The following TOP2B variants were observed in gnomAD, a reference collection of about 807,000 sequenced individuals.
TOP2B encodes DNA topoisomerase II beta.
Under a neutral mutation model 193.5 loss-of-function variants are expected in TOP2B, and 51 were observed. The observed-to-expected ratio is 0.26, with a 90% CI of 0.21 to 0.33. The LOEUF is 0.33. TOP2B is among the 10% of genes least tolerant of loss of function. The pLI is 1.00. For synonymous variants in TOP2B, 634 were observed against 635.7 expected, an observed-to-expected ratio of 1.00 and a Z score of 0.04; for missense variants, 1,378 against 1,909.3, an observed-to-expected ratio of 0.72 and a Z score of 5.19.
Position 25,629,034 on chromosome 3 carries a change from C to T in TOP2B, c.1800+1G>A. The T allele has an allele frequency of 6.3e-7, 1 of 1,582,758 alleles. No homozygotes were observed. On this transcript the variant is annotated splice_donor_variant, in intron 14 of 35. Coordinates refer to ENST00000264331, the MANE Select transcript of TOP2B (RefSeq NM_001330700.2). LOFTEE classifies it high-confidence loss of function. ...TAAAAATATATTAATGCAAAGAGTA[C>T]CTTTACAATAGGAGTAATGAACTCT...
intron 35 of TOP2B, among the ~76,000 whole-genome samples, chr3:25,598,929 A>C (rs1702009501): frequency 6.6e-6 from 1 of 152,160 alleles, no homozygotes; most frequent in African/African-American, 2.4e-5. Context: ...ATAGAAGATG[A>C]CTGAATGGAA....
intron 32 of TOP2B, 79 bp from the exon 33 acceptor site, chr3:25,604,949 A>G: frequency 1.0e-6 from 1 of 961,988 alleles, no homozygotes; most frequent in Non-Finnish European, 1.6e-6. Flanking sequence ...TTAACTGATG[A>G]CTTCCCTTTA....
intron 28 of TOP2B, 134 bp from the exon 29 acceptor site, chr3:25,609,846 G>A (rs1320618756): frequency 3.7e-6 from 3 of 802,542 alleles, no homozygotes; most frequent in Non-Finnish European, 5.4e-6. Flanking sequence ...GGTCCTAACA[G>A]CTGACTTTGA....
intron 25 of TOP2B, 22 bp from the exon 26 acceptor site, chr3:25,615,608 A>G (rs1702483945): frequency 6.7e-7 from 1 of 1,500,166 alleles, no homozygotes; most frequent in Middle Eastern, 1.8e-4. Context: ...AACAAACTGT[A>G]TATTAAAGTC....
At chr3:25,622,425 A>C (rs1053890153) in intron 21 of TOP2B, among the ~76,000 whole-genome samples, 3 of 152,170 alleles carry the variant, frequency 2.0e-5, no homozygotes, top group African/African-American at 7.2e-5. Flanking sequence ...GGAAAAATAC[A>C]TCAAAATATT....
At chr3:25,624,503 T>G in intron 19 of TOP2B, 58 bp from the exon 20 acceptor site, 1 of 1,570,278 alleles carries the variant, frequency 6.4e-7, no homozygotes, top group East Asian at 2.2e-5. Context: ...CTATAATTAC[T>G]CCCCAACTTG....
chr3:25,636,223 A>G, intron 6 of TOP2B, 75 bp from the exon 7 acceptor site: 1 of 899,332 alleles, frequency 1.1e-6, no homozygotes, highest in East Asian at 2.7e-5. Flanking sequence ...CACTCATTAA[A>G]TTCATTCATT....
intron 3 of TOP2B, 147 bp downstream of exon 3, chr3:25,643,547 A>C (rs933400385): frequency 6.4e-5 from 38 of 597,566 alleles, no homozygotes; most frequent in Non-Finnish European, 1.0e-4. Context: ...TCATGGTATA[A>C]ATTTTCTGAA....
chr3:25,627,279 C>G lies in TOP2B; in HGVS notation c.1924G>C (p.Ala642Pro). Residue 642 changes from alanine to proline, a missense_variant, in exon 16 of 36, where the codon GCT (alanine) becomes CCT (proline). Physicochemically the swap from Ala to Pro is conservative, Grantham distance 27. Around this residue, in one of 9 missense-constraint regions of TOP2B, gnomAD observed 379 missense variants for 615.1 expected, o/e 0.62. Coordinates refer to ENST00000264331, the MANE Select transcript of TOP2B (RefSeq NM_001330700.2). ...KYYKGLGTST[A>P]KEAKEYFADM... ...GCAAAATATTCCTTTGCTTCTTTAG[C>G]TGTACTAGTACCCAATCCTGCACAA... The G allele has an allele frequency of 6.2e-7, 1 of 1,606,850 alleles. No individual in the cohort carries two copies. Among genetic ancestry groups the G allele is most frequent in the Non-Finnish European group, 8.5e-7 (1 of 1,176,740 alleles).
intron 21 of TOP2B, among the ~76,000 whole-genome samples, chr3:25,622,638 G>A (rs1197582469): frequency 6.7e-6 from 1 of 150,336 alleles, no homozygotes; most frequent in Non-Finnish European, 1.5e-5. Context: ...AAAAAATGGG[G>A]ATTTTTTTTT....
Position 25,627,239 on chromosome 3 carries a change from T to C in TOP2B, c.1964A>G (p.His655Arg). ...ACCAGCATATCTAAACAAGATGCGA[T>C]GCCTTTCCATATCAGCAAAATATTC... ...AKEYFADMER[H>R]RILFRYAGPE... The change falls in exon 16 of 36, where the codon CAT becomes CGT. Residue 655 changes from histidine to arginine, a missense_variant. Coordinates refer to ENST00000264331, the MANE Select transcript of TOP2B (RefSeq NM_001330700.2). 6.2e-7 allele frequency: 1 copy of C among 1,610,538 alleles called. No individual in the cohort carries two copies. Among genetic ancestry groups the C allele is most frequent in the Non-Finnish European group, 8.5e-7 (1 of 1,178,762 alleles).
At chr3:25,636,609 T>A (rs1400329509) in intron 6 of TOP2B, among the ~76,000 whole-genome samples, 1 of 152,086 alleles carries the variant, frequency 6.6e-6, no homozygotes, top group Non-Finnish European at 1.5e-5. Flanking sequence ...TGTATTACTG[T>A]GATAATAATC....
At chr3:25,642,985 A>G (rs960233940) in intron 3 of TOP2B, among the ~76,000 whole-genome samples, 8 of 152,194 alleles carry the variant, frequency 5.3e-5, no homozygotes, top group Non-Finnish European at 1.0e-4. Flanking sequence ...CAATAAACTT[A>G]AAACAGTAAA....
chr3:25,609,526 T>G (rs763721218), intron 29 of TOP2B, 42 bp downstream of exon 29: 1 of 1,583,278 alleles, frequency 6.3e-7, no homozygotes, highest in Admixed American at 1.8e-5. Flanking sequence ...TATACAAATA[T>G]TTTTTCTCTC....
chr3:25,639,436 T>C (rs1034346086), intron 4 of TOP2B, among the ~76,000 whole-genome samples: 26 of 152,114 alleles, frequency 1.7e-4, no homozygotes, highest in African/African-American at 6.3e-4. Context: ...GCCTCCCAAG[T>C]AGCTGGGATT....
intron 25 of TOP2B, 141 bp from the exon 26 acceptor site, chr3:25,615,727 T>G (rs1038133923): frequency 4.3e-6 from 3 of 699,740 alleles, no homozygotes; most frequent in Admixed American, 3.9e-5. Flanking sequence ...TATTTTGGAT[T>G]ACCTATAAAA....
Position 25,598,405 on chromosome 3 carries a change from G to A in TOP2B, c.4783C>T (p.Pro1595Ser). The A allele has an allele frequency of 6.2e-7, 1 of 1,613,636 alleles. No individual in the cohort carries two copies. The highest frequency in any genetic ancestry group is 8.5e-7 in the Non-Finnish European group (1 of 1,179,674). Reference sequence around the variant, plus strand: ...GCCCGACCGGTTCGTGGCAGAGAAGGTGGCTCAGTAGGGAAGTCTGAGGGG... The same window carrying A: ...GCCCGACCGGTTCGTGGCAGAGAAGATGGCTCAGTAGGGAAGTCTGAGGGG... ...IFPSDFPTEP[P>S]SLPRTGRARK... Residue 1595 changes from proline to serine, a missense_variant, in exon 36 of 36, where the codon CCT becomes TCT. Physicochemically the swap from Pro to Ser is moderately conservative, Grantham distance 74. Coordinates refer to ENST00000264331, the MANE Select transcript of TOP2B (RefSeq NM_001330700.2).
chr3:25,601,128 G>A lies in TOP2B; in HGVS notation c.4587C>T (p.Gly1529=). The A allele has an allele frequency of 4.3e-6, 7 of 1,613,584 alleles. No homozygotes were observed. Among genetic ancestry groups the A allele is most frequent in the Non-Finnish European group, 5.9e-6 (7 of 1,179,624 alleles). ...TTGGTGTTGTAGTCTTCTTTGGAATGCCAAATTCTGAATCCGAGTCAGAGT... is the reference window on the plus strand; with the variant it reads ...TTGGTGTTGTAGTCTTCTTTGGAATACCAAATTCTGAATCCGAGTCAGAGT... ...AVNSDSDSEF[G]IPKKTTTPKG... The change falls in exon 34 of 36, where the codon GGC becomes GGT. Residue 1529 remains glycine, a synonymous_variant. Coordinates refer to ENST00000264331, the MANE Select transcript of TOP2B (RefSeq NM_001330700.2).
chr3:25,604,666 T>C (rs772616340), intron 33 of TOP2B, 94 bp downstream of exon 33: 3 of 1,075,908 alleles, frequency 2.8e-6, no homozygotes, highest in Non-Finnish European at 4.1e-6. Flanking sequence ...TGTTTTATGA[T>C]AAAAAAATGC....
Sources: allele counts gnomAD v4.1 joint callset (sites outside exome capture counted in the v4.1 genomes callset), GRCh38; gene constraint gnomAD v4.1.1; regional missense constraint gnomAD v4.1.1; transcripts MANE v1.5; gene names NCBI Gene and HGNC (gene_info 2026-07-23, HGNC 2026-07-21).